The following GAS7 variants were observed in gnomAD, a reference collection of about 807,000 sequenced individuals.
The protein encoded by GAS7 is growth arrest specific 7, also known as growth arrest-specific protein 7.
A neutral mutation model predicts 71.1 loss-of-function variants in GAS7; 28 were observed. The ratio of observed to expected loss-of-function variants is 0.39; its 90% CI spans 0.29 to 0.54. The LOEUF (loss-of-function observed/expected upper bound fraction) is 0.54. Among genes scored for constraint, GAS7 ranks in the 20% least tolerant of loss-of-function variants. The pLI, the probability that GAS7 is intolerant of heterozygous loss-of-function variation, is 0.62. For synonymous variants in GAS7, 258 were observed against 245.8 expected, an observed-to-expected ratio of 1.05 and a Z score of -0.46; for missense variants, 436 against 627.8, an observed-to-expected ratio of 0.69 and a Z score of 3.27.
At chr17:9,928,746 G>A (rs1425254386) in intron 9 of GAS7, among the ~76,000 whole-genome samples, 1 of 152,226 alleles carries the variant, frequency 6.6e-6, no homozygotes, top group Admixed American at 6.5e-5. Flanking sequence ...CTTACACGGG[G>A]CTGGGAGCTC....
At chr17:10,076,992 T>C (rs1482653508) in intron 1 of GAS7, among the ~76,000 whole-genome samples, 2 of 152,250 alleles carry the variant, frequency 1.3e-5, no homozygotes, top group African/African-American at 2.4e-5. Flanking sequence ...TTTGTTTTGT[T>C]ATTTCTGATC....
At chr17:9,973,016 A>C (rs1028807366) in intron 3 of GAS7, among the ~76,000 whole-genome samples, 3 of 152,204 alleles carry the variant, frequency 2.0e-5, no homozygotes, top group Admixed American at 1.3e-4. Flanking sequence ...CTGGGGAAAA[A>C]ATTTTAAAGG....
At chr17:9,976,764 C>T (rs1431208083) in intron 3 of GAS7, among the ~76,000 whole-genome samples, 11 of 152,210 alleles carry the variant, frequency 7.2e-5, no homozygotes, top group Non-Finnish European at 1.6e-4. Context: ...CTGAAACACT[C>T]CCACAACCGC....
chr17:10,039,776 G>A (rs1217595424), intron 1 of GAS7: 8 of 456,036 alleles, frequency 1.8e-5, no homozygotes, highest in Admixed American at 4.7e-5. Flanking sequence ...TGGGGAGACC[G>A]AGGTGACACA....
At chr17:10,064,543 A>G (rs537971135) in intron 1 of GAS7, among the ~76,000 whole-genome samples, 109 of 152,360 alleles carry the variant, frequency 7.2e-4, no homozygotes, top group Non-Finnish European at 1.1e-3. Context: ...ACGAAGGGGC[A>G]TATTACCCAT....
At chr17:10,111,477 G>C (rs1329313220) in intron 1 of GAS7, among the ~76,000 whole-genome samples, 3 of 151,994 alleles carry the variant, frequency 2.0e-5, no homozygotes, top group Admixed American at 2.0e-4. Flanking sequence ...ACGTTGCAGT[G>C]AGCCAAGACT....
chr17:9,915,049 GAAGA>G lies in GAS7; in HGVS notation c.*2175_*2178del, dbSNP rs1006005939. 1.3e-5 allele frequency: 3 copies of G among 231,524 alleles called. No individual in the cohort carries two copies. The highest frequency in any genetic ancestry group is 2.2e-5 in the African/African-American group (1 of 45,234). 14.3% of individuals were successfully genotyped at this position (231,524 alleles called of 1,614,324 possible). On this transcript the variant is annotated 3_prime_UTR_variant, in exon 14 of 14. Coordinates refer to ENST00000432992, the MANE Select transcript of GAS7 (RefSeq NM_201433.2). ...CTGCTTGATGAATGAATAACAGAGG[GAAGA>G]AAGAAAGGAAGTACGTGAAGGGGGT... is the stretch of plus-strand genomic sequence containing the variant.
chr17:10,174,948 C>T (rs538560092), intron 1 of GAS7, among the ~76,000 whole-genome samples: 6 of 152,130 alleles, frequency 3.9e-5, no homozygotes, highest in Admixed American at 3.3e-4. Context: ...TGGACTCAAG[C>T]GATACTCCCA....
At chr17:10,123,872 T>G (rs1173709196) in intron 1 of GAS7, among the ~76,000 whole-genome samples, 1 of 152,198 alleles carries the variant, frequency 6.6e-6, no homozygotes, top group Non-Finnish European at 1.5e-5. Flanking sequence ...AGACAGTGGT[T>G]TTCCTGGAGG....
At position 9,926,839 on chromosome 17, in the gene GAS7, A is replaced by G; in HGVS notation, c.886-70T>C. On this transcript the variant is annotated intron_variant, in intron 9 of 13. Coordinates refer to ENST00000432992, the MANE Select transcript of GAS7 (RefSeq NM_201433.2). The surrounding 1 kb of genome is among the most constrained non-coding windows in gnomAD (Gnocchi z 5.0). ...CTGTAAGCCAGTGCAGGGAGGAGGG[A>G]TGGGAGGGGCACCCCCACTTCCCCA... 2 of 1,552,050 alleles carry G rather than the reference A, an allele frequency of 1.3e-6. No individual in the cohort carries two copies. Among genetic ancestry groups the G allele is most frequent in the Admixed American group, 1.7e-5 (1 of 59,786 alleles).
chr17:10,181,047 CG>C (rs1159321016), intron 1 of GAS7, among the ~76,000 whole-genome samples: 2 of 40,596 alleles, frequency 4.9e-5, no homozygotes, highest in Non-Finnish European at 9.6e-5. Context: ...ATGAGGGTGG[CG>C]GGGGGTGGGG....
intron 1 of GAS7, among the ~76,000 whole-genome samples, chr17:10,038,695 ATT>A (rs71365709): frequency 0.071 from 8,650 of 121,178 alleles, 441 homozygotes; most frequent in African/African-American, 0.2. Flanking sequence ...GAAGGAAGGA[ATT>A]TTTTTTTTTT....
At chr17:10,185,904 T>C (rs1038881317) in intron 1 of GAS7, among the ~76,000 whole-genome samples, 3 of 152,058 alleles carry the variant, frequency 2.0e-5, no homozygotes, top group African/African-American at 7.2e-5. Context: ...TTTGGTTTTT[T>C]CTTTCAGATT....
At chr17:10,169,620 G>T (rs1056304792) in intron 1 of GAS7, among the ~76,000 whole-genome samples, 4 of 151,988 alleles carry the variant, frequency 2.6e-5, no homozygotes, top group Admixed American at 2.6e-4. Flanking sequence ...CTGGTTTTCC[G>T]CCCACTCTTT....
intron 1 of GAS7, among the ~76,000 whole-genome samples, chr17:10,140,718 C>A (rs1392585202): frequency 2.6e-5 from 4 of 152,154 alleles, no homozygotes; most frequent in Non-Finnish European, 5.9e-5. Flanking sequence ...CACTGTAAGT[C>A]CACAGAATAG....
intron 2 of GAS7, among the ~76,000 whole-genome samples, chr17:10,014,021 T>G (rs1194317497): frequency 6.6e-6 from 1 of 151,982 alleles, no homozygotes; most frequent in Non-Finnish European, 1.5e-5. Context: ...CTCACCAAGT[T>G]CCCATCTCTA....
chr17:10,126,017 C>T (rs1416669509), intron 1 of GAS7, among the ~76,000 whole-genome samples: 1 of 152,158 alleles, frequency 6.6e-6, no homozygotes, highest in African/African-American at 2.4e-5. Flanking sequence ...ATGAAGCCTG[C>T]GCTGATGTGT....
chr17:9,989,706 G>A (rs73977517), intron 2 of GAS7, among the ~76,000 whole-genome samples: 2,110 of 152,242 alleles, frequency 0.014, 36 homozygotes, highest in African/African-American at 0.048. Context: ...TTTAAGAATG[G>A]CCAGGGAAGG....
intron 2 of GAS7, among the ~76,000 whole-genome samples, chr17:10,005,084 T>TGTGTGCACGCATACATGCATGTGTGTGC (rs1180191200): frequency 4.0e-5 from 6 of 150,280 alleles, no homozygotes; most frequent in African/African-American, 7.5e-5. Context: ...CATACATGCG[T>TGTGTGCACGCATACATGCATGTGTGTGC]GTGTGCACGC....
Sources: gnomAD v4.1 joint callset for allele counts (sites outside exome capture counted in the v4.1 genomes callset) on GRCh38, gnomAD v4.1.1 for gene constraint, Gnocchi (gnomAD v3.1) non-coding constraint, MANE v1.5 for transcripts, NCBI Gene and HGNC (gene_info 2026-07-23, HGNC 2026-07-21) for gene names.